The following PTPRM variants were observed in gnomAD, a reference collection of about 807,000 sequenced individuals.
PTPRM encodes the protein protein tyrosine phosphatase receptor type M.
A neutral mutation model predicts 186.7 loss-of-function variants in PTPRM; 47 were observed. That is an observed-to-expected ratio of 0.25 (90% CI 0.20 to 0.32). The LOEUF (loss-of-function observed/expected upper bound fraction) is 0.32. PTPRM is among the 10% of genes least tolerant of loss of function. The probability of loss-of-function intolerance (pLI) is 1.00; values close to 1 mark genes in which losing one functional copy is unlikely to be tolerated. For synonymous variants in PTPRM, 668 were observed against 674.9 expected (o/e 0.99, Z 0.16); for missense variants, 1,494 against 1,865.0 (o/e 0.80, Z 3.66).
chr18:7,596,663 A>C (rs2037269336), intron 1 of PTPRM, among the ~76,000 whole-genome samples: 1 of 152,150 alleles, frequency 6.6e-6, no homozygotes, highest in African/African-American at 2.4e-5. Flanking sequence ...TCAGGGATCC[A>C]CCAAATAGGT....
intron 29 of PTPRM, among the ~76,000 whole-genome samples, chr18:8,383,034 T>C (rs945914369): frequency 2.6e-5 from 4 of 152,040 alleles, no homozygotes; most frequent in African/African-American, 9.7e-5. Flanking sequence ...GCGCAGTGGC[T>C]CACACCAGTA....
intron 14 of PTPRM, among the ~76,000 whole-genome samples, chr18:8,221,844 A>G (rs1360547101): frequency 6.6e-6 from 1 of 152,206 alleles, no homozygotes; most frequent in Non-Finnish European, 1.5e-5. Flanking sequence ...TAACCTACCA[A>G]TGATTGTGAT....
chr18:8,315,061 C>G (rs2095298713), intron 21 of PTPRM, among the ~76,000 whole-genome samples: 1 of 152,142 alleles, frequency 6.6e-6, no homozygotes, highest in Non-Finnish European at 1.5e-5. Context: ...AAAGCAAACA[C>G]ATGAATATTA....
Position 7,979,766 on chromosome 18 carries a change from G to A in PTPRM, c.1132+24352G>A, listed in dbSNP as rs145166452. ...CACCTTGCAGTCCGCTGGCAGAAGT[G>A]TGGAGCGGACACAGGAGAAGGCTGG... On this transcript the variant is annotated intron_variant, in intron 7 of 32. Coordinates refer to ENST00000580170, the MANE Select transcript of PTPRM (RefSeq NM_001105244.2). Among the ~76,000 whole-genome samples the A allele has an allele frequency of 1.4e-3, 219 of 152,332 alleles. 1 individual carries two copies. The highest frequency in any genetic ancestry group is 5.0e-3 in the African/African-American group (210 of 41,586).
At chr18:8,135,323 G>A (rs552054681) in intron 13 of PTPRM, among the ~76,000 whole-genome samples, 1 of 152,250 alleles carries the variant, frequency 6.6e-6, no homozygotes, top group South Asian at 2.1e-4. Context: ...GATGTTTTAA[G>A]GATAACAACA....
intron 1 of PTPRM, among the ~76,000 whole-genome samples, chr18:7,731,636 TC>T (rs1373092303): frequency 1.3e-5 from 2 of 152,170 alleles, no homozygotes; most frequent in African/African-American, 4.8e-5. Flanking sequence ...TTTTCTTTGA[TC>T]CTACCATGTA....
In PTPRM at chr18:8,384,593, A is replaced by G; in HGVS notation, c.3951A>G (p.Val1317=). The G allele has an allele frequency of 6.2e-7, 1 of 1,614,188 alleles. No individual in the cohort carries two copies. Among genetic ancestry groups the G allele is most frequent in the Non-Finnish European group, 8.5e-7 (1 of 1,180,010 alleles). ...CACAGTACTGGCCAGAAAACGGAGTACACAGACACGGCCCCATCCAGGTGG... is the reference window on the plus strand; with the variant it reads ...CACAGTACTGGCCAGAAAACGGAGTGCACAGACACGGCCCCATCCAGGTGG... ...LCPQYWPENG[V]HRHGPIQVEF... is the part of the protein sequence containing the mutation. Residue 1317 remains valine (V), a synonymous_variant, in exon 30 of 33, where the codon GTA becomes GTG. Coordinates refer to ENST00000580170, the MANE Select transcript of PTPRM (RefSeq NM_001105244.2).
At chr18:8,236,629 C>A (rs1222498941) in intron 14 of PTPRM, among the ~76,000 whole-genome samples, 1 of 152,042 alleles carries the variant, frequency 6.6e-6, no homozygotes, top group East Asian at 1.9e-4. Context: ...GCAACCTCTG[C>A]CTCCTGAGTT....
chr18:7,941,869 A>G (rs1386240299), intron 5 of PTPRM, among the ~76,000 whole-genome samples: 1 of 152,220 alleles, frequency 6.6e-6, no homozygotes. Context: ...TCATTTCCTC[A>G]TGCTCCAAGA....
chr18:8,372,673 C>A (rs1487249489), intron 24 of PTPRM, among the ~76,000 whole-genome samples: 1 of 151,286 alleles, frequency 6.6e-6, no homozygotes, highest in Non-Finnish European at 1.5e-5. Context: ...TCTTCAAGTT[C>A]TGAACCTCAC....
At chr18:7,822,881 C>T (rs1246042991) in intron 2 of PTPRM, among the ~76,000 whole-genome samples, 3 of 152,128 alleles carry the variant, frequency 2.0e-5, no homozygotes, top group Non-Finnish European at 4.4e-5. Flanking sequence ...CCTTTCCTGC[C>T]GCAGCTGTGT....
At chr18:7,687,332 A>G (rs185143262) in intron 1 of PTPRM, among the ~76,000 whole-genome samples, 47 of 152,302 alleles carry the variant, frequency 3.1e-4, no homozygotes, top group Non-Finnish European at 4.3e-4. Flanking sequence ...AATAGCATAA[A>G]ACCACCAGGG....
At chr18:8,317,048 T>C (rs1375626809) in intron 21 of PTPRM, among the ~76,000 whole-genome samples, 1 of 152,116 alleles carries the variant, frequency 6.6e-6, no homozygotes, top group African/African-American at 2.4e-5. Flanking sequence ...TCCACAGTTG[T>C]AAGGACTTTG....
intron 2 of PTPRM, among the ~76,000 whole-genome samples, chr18:7,834,832 A>G (rs1375584389): frequency 2.0e-5 from 3 of 151,856 alleles, no homozygotes; most frequent in Non-Finnish European, 4.4e-5. Flanking sequence ...TCGTGGTTCA[A>G]TCTTGGTAGC....
At chr18:8,279,361 G>A (rs922603774) in intron 19 of PTPRM, among the ~76,000 whole-genome samples, 5 of 152,188 alleles carry the variant, frequency 3.3e-5, no homozygotes, top group African/African-American at 9.6e-5. Context: ...GGCCTTTTCC[G>A]ACCCTTAATT....
At chr18:7,972,331 G>T in intron 7 of PTPRM, among the ~76,000 whole-genome samples, 1 of 110,558 alleles carries the variant, frequency 9.0e-6, no homozygotes, top group Non-Finnish European at 1.7e-5. Flanking sequence ...GGAGGGGGGA[G>T]GGATAGCATT....
chr18:8,221,571 A>C (rs555477134), intron 14 of PTPRM, among the ~76,000 whole-genome samples: 9 of 152,190 alleles, frequency 5.9e-5, no homozygotes, highest in Non-Finnish European at 1.0e-4. Flanking sequence ...AAAGTGACAC[A>C]CAGAAGACAA....
chr18:8,084,739 T>G (rs1424475265), intron 9 of PTPRM, among the ~76,000 whole-genome samples: 1 of 152,172 alleles, frequency 6.6e-6, no homozygotes, highest in Non-Finnish European at 1.5e-5. Flanking sequence ...ATTTTAAAAT[T>G]ATGTCATTAC....
intron 1 of PTPRM, among the ~76,000 whole-genome samples, chr18:7,760,363 T>C (rs992522472): frequency 6.6e-6 from 1 of 151,732 alleles, no homozygotes; most frequent in African/African-American, 2.4e-5. Context: ...CCTGGAAGAG[T>C]CTAGTATTGT....
Sources: gnomAD v4.1 joint callset for allele counts (sites outside exome capture counted in the v4.1 genomes callset) on GRCh38, gnomAD v4.1.1 for gene constraint, MANE v1.5 for transcripts, NCBI Gene and HGNC (gene_info 2026-07-23, HGNC 2026-07-21) for gene names.